Variants in ANO2 observed in about 807,000 individuals in gnomAD.
The protein encoded by ANO2 is anoctamin 2.
A neutral mutation model predicts 124.2 loss-of-function variants in ANO2; 101 were observed. The observed-to-expected ratio is 0.81, with a 90% CI of 0.69 to 0.96. The LOEUF (loss-of-function observed/expected upper bound fraction) is 0.96. Among genes scored for constraint, ANO2 ranks in the 40% least tolerant of loss-of-function variants. The probability of loss-of-function intolerance (pLI) is 0.00; values close to 1 mark genes in which losing one functional copy is unlikely to be tolerated. For missense variants in ANO2, 1,293 were observed against 1,274.5 expected, an observed-to-expected ratio of 1.01 and a Z score of -0.22; for synonymous variants, 486 against 482.5, an observed-to-expected ratio of 1.01 and a Z score of -0.09.
intron 16 of ANO2, among the ~76,000 whole-genome samples, chr12:5,616,936 CCACACTCTCCAGATCACACCATAA>C (rs373959711): frequency 0.018 from 2,707 of 151,588 alleles, 38 homozygotes; most frequent in Non-Finnish European, 0.025. Flanking sequence ...TCACACAGTG[CCACACTCTCCAGATCACACCATAA>C]CACACTCTCC....
chr12:5,727,847 C>G (rs1950502326), intron 14 of ANO2, among the ~76,000 whole-genome samples: 1 of 151,556 alleles, frequency 6.6e-6, no homozygotes, highest in African/African-American at 2.4e-5. Context: ...TGCTCTGTCC[C>G]CCAGGCTGGA....
intron 19 of ANO2, among the ~76,000 whole-genome samples, chr12:5,608,250 ATTT>A (rs1346439060): frequency 6.6e-6 from 1 of 150,882 alleles, no homozygotes; most frequent in Non-Finnish European, 1.5e-5. Context: ...AAGGGGTCTG[ATTT>A]ATTGAGAGTC....
chr12:5,774,782 A>C (rs1952179843), intron 10 of ANO2, among the ~76,000 whole-genome samples: 1 of 152,120 alleles, frequency 6.6e-6, no homozygotes, highest in South Asian at 2.1e-4. Flanking sequence ...CCCCAGGTTC[A>C]TCCATGTGAA....
intron 3 of ANO2, among the ~76,000 whole-genome samples, chr12:5,916,482 C>T (rs1348143763): frequency 3.6e-5 from 3 of 82,300 alleles, no homozygotes; most frequent in Non-Finnish European, 8.1e-5. Flanking sequence ...ATAGAAAAAT[C>T]GCAGCAGGTT....
intron 10 of ANO2, among the ~76,000 whole-genome samples, chr12:5,770,447 T>C (rs2137119463): frequency 6.6e-6 from 1 of 152,292 alleles, no homozygotes; most frequent in Non-Finnish European, 1.5e-5. Flanking sequence ...CAGTCTTTCA[T>C]ATTTCAGCAT....
chr12:5,645,378 G>C (rs1286854622), intron 15 of ANO2, among the ~76,000 whole-genome samples: 4 of 152,012 alleles, frequency 2.6e-5, no homozygotes, highest in South Asian at 2.1e-4. Flanking sequence ...GACAGAATCA[G>C]ACTCCGTCTC....
At chr12:5,705,166 C>T (rs762066077) in intron 14 of ANO2, among the ~76,000 whole-genome samples, 1 of 152,158 alleles carries the variant, frequency 6.6e-6, no homozygotes, top group Non-Finnish European at 1.5e-5. Context: ...TCCATGATAA[C>T]ATTGTCTTTT....
intron 14 of ANO2, among the ~76,000 whole-genome samples, chr12:5,730,473 G>A (rs957317269): frequency 2.0e-5 from 3 of 152,188 alleles, no homozygotes; most frequent in African/African-American, 7.2e-5. Flanking sequence ...GTGAGGATAT[G>A]CAGCATCAGG....
chr12:5,798,425 G>A (rs746862995), intron 10 of ANO2, among the ~76,000 whole-genome samples: 3 of 152,064 alleles, frequency 2.0e-5, no homozygotes, highest in South Asian at 2.1e-4. Flanking sequence ...GCCTCCACGC[G>A]GCTTTCTCTT....
chr12:5,611,309 A>C (rs1449036610), intron 19 of ANO2, among the ~76,000 whole-genome samples: 1 of 152,112 alleles, frequency 6.6e-6, no homozygotes, highest in African/African-American at 2.4e-5. Flanking sequence ...GACTGCTCCC[A>C]AACTCCTGAC....
At chr12:5,914,675 G>A (rs1260505787) in intron 3 of ANO2, among the ~76,000 whole-genome samples, 1 of 152,194 alleles carries the variant, frequency 6.6e-6, no homozygotes, top group Non-Finnish European at 1.5e-5. Context: ...GGGGCACCTG[G>A]CCTCCCTGTC....
At chr12:5,681,097 C>A (rs10744689) in intron 14 of ANO2, among the ~76,000 whole-genome samples, 76,372 of 152,020 alleles carry the variant, frequency 0.5, 21,162 homozygotes, top group Middle Eastern at 0.62. Flanking sequence ...AACCTGCACA[C>A]AGGGATTTGC....
intron 3 of ANO2, among the ~76,000 whole-genome samples, chr12:5,920,144 T>C (rs1941619058): frequency 6.6e-6 from 1 of 151,706 alleles, no homozygotes; most frequent in African/African-American, 2.4e-5. Flanking sequence ...TAGGTGGATA[T>C]GTGTATGAAT....
At chr12:5,821,724 T>A (rs1591656434) in intron 7 of ANO2, among the ~76,000 whole-genome samples, 1 of 152,176 alleles carries the variant, frequency 6.6e-6, no homozygotes, top group Non-Finnish European at 1.5e-5. Context: ...GGTCATAAAG[T>A]CACCATGGCA....
rs541880657 is a variant in ANO2, at chr12:5,866,761, C to T, written c.535-12620G>A. ...GCTGGCTGTACTGCCCACTACAATGCTGCTGCCAGTGCATTTTGCAACAGT... is the reference window on the plus strand; with the variant it reads ...GCTGGCTGTACTGCCCACTACAATGTTGCTGCCAGTGCATTTTGCAACAGT... On this transcript the variant is annotated intron_variant, in intron 3 of 24. Transcript: ENST00000682330. Among the ~76,000 whole-genome samples the T allele has an allele frequency of 8.5e-5, 13 of 152,356 alleles. No individual in the cohort carries two copies. The East Asian group carries it at 2.5e-3, about 29-fold the overall frequency.
chr12:5,938,494 C>A lies in ANO2; in HGVS notation c.22+6702G>T, dbSNP rs560478957. Among the ~76,000 whole-genome samples, 36 of 152,306 alleles carry A rather than the reference C, an allele frequency of 2.4e-4. 1 individual carries two copies. The South Asian group carries it at 6.8e-3, about 29-fold the overall frequency. On this transcript the variant is annotated intron_variant, in intron 1 of 24. Transcript: ENST00000682330. ...AAAGTGCTGTGATTATAGGCATGAG[C>A]CACTGCACCCAGTCTATTTTATTTA... is the stretch of plus-strand genomic sequence containing the variant.
chr12:5,791,375 A>C (rs1223322598), intron 10 of ANO2, among the ~76,000 whole-genome samples: 1 of 152,168 alleles, frequency 6.6e-6, no homozygotes, highest in African/African-American at 2.4e-5. Context: ...AGGCCCTGAG[A>C]GTGATATTTT....
intron 23 of ANO2, among the ~76,000 whole-genome samples, chr12:5,574,609 T>A (rs1230551320): frequency 1.3e-5 from 2 of 152,122 alleles, no homozygotes; most frequent in African/African-American, 2.4e-5. Flanking sequence ...TCTGCAATAT[T>A]TCATGTGAAA....
At chr12:5,703,700 C>T (rs1239983760) in intron 14 of ANO2, among the ~76,000 whole-genome samples, 1 of 152,116 alleles carries the variant, frequency 6.6e-6, no homozygotes, top group Non-Finnish European at 1.5e-5. Context: ...GTGTGCACCA[C>T]AACACCTGGC....
Sources: gnomAD v4.1 joint callset for allele counts (sites outside exome capture counted in the v4.1 genomes callset) on GRCh38, gnomAD v4.1.1 for gene constraint, MANE v1.5 for transcripts, NCBI Gene and HGNC (gene_info 2026-07-23, HGNC 2026-07-21) for gene names.